WWOX: variants seen among roughly 807,000 people sequenced by gnomAD.
The protein encoded by WWOX is WW domain containing oxidoreductase, also known as WW domain-containing oxidoreductase.
Under a neutral mutation model 46.2 loss-of-function variants are expected in WWOX, and 69 were observed. That is an observed-to-expected ratio of 1.49 (90% CI 1.23 to 1.82). WWOX has a LOEUF of 1.82. Among genes scored for constraint, WWOX ranks in the 40% most tolerant of loss-of-function variants. The pLI, the probability that WWOX is intolerant of heterozygous loss-of-function variation, is 0.00. For missense variants in WWOX, 919 were observed against 542.6 expected, an observed-to-expected ratio of 1.69 and a Z score of -6.89; for synonymous variants, 359 against 202.6, an observed-to-expected ratio of 1.77 and a Z score of -6.56.
chr16:78,799,005 A>C (rs2050816292), intron 8 of WWOX, among the ~76,000 whole-genome samples: 1 of 152,212 alleles, frequency 6.6e-6, no homozygotes, highest in African/African-American at 2.4e-5. Flanking sequence ...CAATGTGAGC[A>C]AAATGCTTTT....
chr16:78,844,523 A>T (rs991054734), intron 8 of WWOX, among the ~76,000 whole-genome samples: 2 of 152,146 alleles, frequency 1.3e-5, no homozygotes, highest in Non-Finnish European at 2.9e-5. Context: ...CCGAACATCA[A>T]TCAGGGAAGA....
chr16:78,729,933 A>G (rs1013057963), intron 8 of WWOX, among the ~76,000 whole-genome samples: 2 of 152,138 alleles, frequency 1.3e-5, no homozygotes, highest in East Asian at 1.9e-4. Context: ...ACACAGTGCA[A>G]TGCCAGATCC....
intron 5 of WWOX, among the ~76,000 whole-genome samples, chr16:78,371,845 CAT>C (rs1255227090): frequency 5.9e-5 from 9 of 151,960 alleles, no homozygotes; most frequent in Admixed American, 1.3e-4. Flanking sequence ...CTCTTTTAAT[CAT>C]GTGTGTTAGG....
chr16:78,370,471 A>G (rs1451917742), intron 5 of WWOX, among the ~76,000 whole-genome samples: 1 of 146,524 alleles, frequency 6.8e-6, no homozygotes, highest in African/African-American at 2.6e-5. Flanking sequence ...TATATGAGAG[A>G]CGTATGCTGG....
chr16:78,510,605 A>C (rs1009620404), intron 8 of WWOX, among the ~76,000 whole-genome samples: 1 of 152,270 alleles, frequency 6.6e-6, no homozygotes, highest in African/African-American at 2.4e-5. Flanking sequence ...AGCTATGGAT[A>C]CAAGAGTTGG....
At chr16:78,333,043 C>CTTTTTTTTTTTTTGTTTTTTTTTTT (rs2080798340) in intron 5 of WWOX, among the ~76,000 whole-genome samples, 1 of 57,094 alleles carries the variant, frequency 1.8e-5, no homozygotes, top group Admixed American at 2.3e-4. Context: ...GAGCATTATA[C>CTTTTTTTTTTTTTGTTTTTTTTTTT]TTTTTTTTTT....
At chr16:78,856,992 A>C (rs956277515) in intron 8 of WWOX, among the ~76,000 whole-genome samples, 1 of 152,208 alleles carries the variant, frequency 6.6e-6, no homozygotes. Flanking sequence ...ACTGTAGGCA[A>C]TTTTAATACA....
At chr16:78,852,526 C>G (rs1406061664) in intron 8 of WWOX, among the ~76,000 whole-genome samples, 1 of 152,144 alleles carries the variant, frequency 6.6e-6, no homozygotes, top group African/African-American at 2.4e-5. Context: ...CTCCAACCCC[C>G]TTTAAACTTT....
chr16:78,538,985 C>A (rs2859645), intron 8 of WWOX, among the ~76,000 whole-genome samples: 1 of 152,002 alleles, frequency 6.6e-6, no homozygotes, highest in Non-Finnish European at 1.5e-5. Context: ...CCTTTCACAG[C>A]TGTGGGATGA....
chr16:78,156,201 G>C (rs1041285782), intron 4 of WWOX, among the ~76,000 whole-genome samples: 1 of 152,184 alleles, frequency 6.6e-6, no homozygotes, highest in Non-Finnish European at 1.5e-5. Context: ...GCTTGAGCCT[G>C]TAGCCTGTTG....
intron 8 of WWOX, among the ~76,000 whole-genome samples, chr16:78,710,473 C>CATACATATATATATATATATAT: frequency 1.6e-5 from 1 of 63,622 alleles, no homozygotes; most frequent in African/African-American, 5.6e-5. Context: ...TAATGGATCT[C>CATACATATATATATATATATAT]ATATATATAT....
At chr16:78,869,316 G>A (rs973827701) in intron 8 of WWOX, among the ~76,000 whole-genome samples, 11 of 152,246 alleles carry the variant, frequency 7.2e-5, no homozygotes, top group African/African-American at 2.6e-4. Flanking sequence ...AGTTGGTTGT[G>A]ATTATCTTCA....
intron 8 of WWOX, among the ~76,000 whole-genome samples, chr16:78,971,020 A>G (rs1230938309): frequency 6.6e-6 from 1 of 152,102 alleles, no homozygotes; most frequent in Non-Finnish European, 1.5e-5. Flanking sequence ...TAGCTTCATA[A>G]CAGCAGGAGA....
chr16:78,848,311 C>G (rs1250252606), intron 8 of WWOX, among the ~76,000 whole-genome samples: 1 of 152,154 alleles, frequency 6.6e-6, no homozygotes, highest in Non-Finnish European at 1.5e-5. Context: ...AAAAAATCTT[C>G]AAGTCATATT....
intron 8 of WWOX, among the ~76,000 whole-genome samples, chr16:78,783,620 C>A (rs1193646113): frequency 6.6e-6 from 1 of 152,150 alleles, no homozygotes; most frequent in Non-Finnish European, 1.5e-5. Context: ...TTGTGTGGTA[C>A]AAAGGATGTG....
intron 8 of WWOX, among the ~76,000 whole-genome samples, chr16:78,983,789 T>C (rs934680332): frequency 2.6e-4 from 40 of 151,656 alleles, no homozygotes; most frequent in African/African-American, 9.4e-4. Flanking sequence ...TTGAGACATA[T>C]CTCCTACAGC....
intron 8 of WWOX, among the ~76,000 whole-genome samples, chr16:78,880,237 A>G (rs1435703442): frequency 2.6e-5 from 4 of 152,240 alleles, no homozygotes; most frequent in Non-Finnish European, 4.4e-5. Context: ...TCTTATTAAC[A>G]TGAAAACACC....
chr16:78,828,159 A>G (rs142937753), intron 8 of WWOX, among the ~76,000 whole-genome samples: 28 of 152,302 alleles, frequency 1.8e-4, no homozygotes, highest in Non-Finnish European at 3.5e-4. Flanking sequence ...GAGAGAGGCC[A>G]GCTAATCTAA....
At position 78,243,084 on chromosome 16, in the gene WWOX, CCA is replaced by C. The variant is rs1441515163; in HGVS notation, c.516+78796_516+78797del. 3.3e-5 allele frequency among the ~76,000 whole-genome samples: 5 copies of C among 152,272 alleles called. No homozygotes were observed. In the East Asian group the frequency reaches 7.7e-4, roughly 24 times the overall value. Reference sequence around the variant, plus strand: ...CATCCTAGCCTCCTCTCACCCAGGTCCATTCTTCCACTGTCATCCCATGATGC... The same window carrying C: ...CATCCTAGCCTCCTCTCACCCAGGTCTTCTTCCACTGTCATCCCATGATGC... On this transcript the variant is annotated intron_variant, in intron 5 of 8. Transcript: ENST00000566780.
Sources: gnomAD v4.1 joint callset for allele counts (sites outside exome capture counted in the v4.1 genomes callset) on GRCh38, gnomAD v4.1.1 for gene constraint, MANE v1.5 for transcripts, NCBI Gene and HGNC (gene_info 2026-07-23, HGNC 2026-07-21) for gene names.